Variants in WDFY4 observed in about 807,000 individuals in gnomAD.
WDFY4 encodes the protein WD repeat- and FYVE domain-containing protein 4.
Under a neutral mutation model 351.9 loss-of-function variants are expected in WDFY4, and 169 were observed. That is an observed-to-expected ratio of 0.48 (90% confidence interval 0.42 to 0.55). WDFY4 has a LOEUF of 0.55. Ranked by LOEUF, WDFY4 falls within the 20% of genes least tolerant of loss-of-function variation. The pLI is 0.00. For synonymous variants in WDFY4, 1,622 were observed against 1,574.6 expected (o/e 1.03, Z -0.71); for missense variants, 3,803 against 3,935.6 (o/e 0.97, Z 0.90).
chr10:48,897,684 A>G (rs1405476781), intron 45 of WDFY4, 110 bp downstream of exon 45: 12 of 1,465,294 alleles, frequency 8.2e-6, no homozygotes, highest in Non-Finnish European at 1.1e-5. Context: ...CTTTGTGCCT[A>G]TGCACAGCCC....
At chr10:48,722,716 G>A (rs113383896) in intron 4 of WDFY4, among the ~76,000 whole-genome samples, 41 of 152,298 alleles carry the variant, frequency 2.7e-4, no homozygotes, top group Non-Finnish European at 4.4e-4. Flanking sequence ...ACACACGTGC[G>A]TGCGCACACA....
intron 47 of WDFY4, among the ~76,000 whole-genome samples, chr10:48,912,439 C>G (rs1398578813): frequency 6.6e-6 from 1 of 152,202 alleles, no homozygotes; most frequent in African/African-American, 2.4e-5. Flanking sequence ...TGGACCTAGA[C>G]CTGTCCAACC....
chr10:48,811,311 A>G (rs953488931), intron 29 of WDFY4, among the ~76,000 whole-genome samples: 2 of 152,332 alleles, frequency 1.3e-5, no homozygotes, highest in East Asian at 3.9e-4. Context: ...TGCCTCCTAC[A>G]TGGTGGGCAG....
chr10:48,974,803 A>T lies in WDFY4; in HGVS notation c.8929-59A>T, dbSNP rs192854915. 2.3e-5 allele frequency: 34 copies of T among 1,455,610 alleles called. No individual in the cohort carries two copies. The Middle Eastern group carries it at 7.2e-4, about 31-fold the overall frequency. 90.2% of individuals were successfully genotyped at this position (1,455,610 alleles called of 1,614,324 possible). A position where few individuals can be genotyped will look rare whatever the true frequency, so the allele number is the denominator to read the frequency against. On this transcript the variant is annotated intron_variant, in intron 57 of 61. Coordinates refer to ENST00000325239, the MANE Select transcript of WDFY4 (RefSeq NM_001394531.1). Reference sequence around the variant, plus strand: ...CCCAGCTTTATAGGGAGGGTGAAGAATTCCCAAAAGTAGCTGAATTGAGGG... The same window carrying T: ...CCCAGCTTTATAGGGAGGGTGAAGATTTCCCAAAAGTAGCTGAATTGAGGG...
chr10:48,711,780 T>G (rs1219677966), intron 2 of WDFY4, among the ~76,000 whole-genome samples: 2 of 152,196 alleles, frequency 1.3e-5, no homozygotes, highest in East Asian at 3.8e-4. Context: ...TGTATTTCAT[T>G]TGGCCTGCAG....
At chr10:48,877,977 C>T (rs2070096726) in intron 43 of WDFY4, 1 of 152,286 alleles carries the variant, frequency 6.6e-6, no homozygotes, top group South Asian at 2.1e-4. Context: ...TATTAAACCG[C>T]ATGTCACCTA....
Position 48,778,489 on chromosome 10 carries a change from G to A in WDFY4, c.3176-122G>A, listed in dbSNP as rs557849051. ...TGCCATAATGGGGAGGAGACAACTG[G>A]TGATTAGGCAAGACACCCAGTAGGT... is the stretch of plus-strand genomic sequence containing the variant. On this transcript the variant is annotated intron_variant, in intron 17 of 61. Coordinates refer to ENST00000325239, the MANE Select transcript of WDFY4 (RefSeq NM_001394531.1). 7.3e-4 allele frequency: 702 copies of A among 962,922 alleles called. 2 individuals are homozygous for A. The African/African-American group carries it at 8.5e-3, about 12-fold the overall frequency. The allele number at this position is 962,922 out of a possible 1,614,324, so 59.6% of individuals were successfully genotyped here. A position where few individuals can be genotyped will look rare whatever the true frequency, so the allele number is the denominator to read the frequency against.
chr10:48,895,416 C>A (rs2133385213), intron 44 of WDFY4, among the ~76,000 whole-genome samples: 1 of 152,324 alleles, frequency 6.6e-6, no homozygotes, highest in Non-Finnish European at 1.5e-5. Flanking sequence ...GGCAGGACCA[C>A]CTTGGGGCAG....
At chr10:48,943,482 T>G (rs1467762127) in intron 49 of WDFY4, 33 bp downstream of exon 49, 1 of 1,545,634 alleles carries the variant, frequency 6.5e-7, no homozygotes, top group East Asian at 2.5e-5. Flanking sequence ...ACAGCTGCCC[T>G]CAGGTGTTCG....
intron 47 of WDFY4, among the ~76,000 whole-genome samples, chr10:48,936,173 A>C (rs1188157420): frequency 6.6e-6 from 1 of 152,146 alleles, no homozygotes; most frequent in Non-Finnish European, 1.5e-5. Context: ...CAAAAAAAGC[A>C]AAATAAAATG....
At chr10:48,697,351 C>T (rs377632501) in intron 1 of WDFY4, among the ~76,000 whole-genome samples, 7 of 152,214 alleles carry the variant, frequency 4.6e-5, no homozygotes, top group East Asian at 1.9e-4. Context: ...CTTAGCCTCC[C>T]GTGTCTTCCT....
intron 42 of WDFY4, among the ~76,000 whole-genome samples, chr10:48,875,474 G>A (rs1344964704): frequency 6.6e-6 from 1 of 152,160 alleles, no homozygotes; most frequent in South Asian, 2.1e-4. Flanking sequence ...GGGTGCAGTG[G>A]CATAATCACA....
At position 48,723,477 on chromosome 10, in the gene WDFY4, C is replaced by T; in HGVS notation, c.501C>T (p.Leu167=). The change falls in exon 5 of 62, where the codon CTC becomes CTT. Residue 167 remains leucine, a synonymous_variant. Coordinates refer to ENST00000325239, the MANE Select transcript of WDFY4 (RefSeq NM_001394531.1). The part of the protein sequence containing the change: ...RVAESGLPAL[L]LQCLYLFFVF... ...CTGAGTCTGGGCTTCCAGCCCTGCT[C>T]CTACAGTGCCTTTACCTCTTCTTTG... The T allele has an allele frequency of 6.4e-7, 1 of 1,550,990 alleles. No homozygotes were observed. Among genetic ancestry groups the T allele is most frequent in the Non-Finnish European group, 8.7e-7 (1 of 1,147,004 alleles).
intron 49 of WDFY4, among the ~76,000 whole-genome samples, chr10:48,944,836 T>C (rs1429871071): frequency 6.6e-6 from 1 of 152,208 alleles, no homozygotes; most frequent in Non-Finnish European, 1.5e-5. Context: ...AGATTTCTCC[T>C]TTAAAAAAAT....
chr10:48,789,542 A>G (rs976564577), intron 21 of WDFY4, among the ~76,000 whole-genome samples: 3 of 152,130 alleles, frequency 2.0e-5, no homozygotes, highest in African/African-American at 7.2e-5. Flanking sequence ...GGCAGCCCTC[A>G]CCTTGGTAGC....
In WDFY4 at chr10:48,865,942, G is replaced by A. The variant is rs569645474; in HGVS notation, c.6664-1323G>A. ...CAGTAGTATTGTCTCCTTCATTTCT[G>A]ATCCTAGTATAATAATTTAAGCCTT... On this transcript the variant is annotated intron_variant, in intron 39 of 61. Coordinates refer to ENST00000325239, the MANE Select transcript of WDFY4 (RefSeq NM_001394531.1). 1.5e-3 allele frequency among the ~76,000 whole-genome samples: 230 copies of A among 152,042 alleles called. 1 individual carries two copies. The highest frequency in any genetic ancestry group is 5.2e-3 in the African/African-American group (214 of 41,488).
chr10:48,974,837 C>T, intron 57 of WDFY4, 25 bp from the exon 58 acceptor site: 1 of 1,515,470 alleles, frequency 6.6e-7, no homozygotes, highest in South Asian at 1.3e-5. Flanking sequence ...GGTCCCTCTC[C>T]TAACCTGTGA....
At chr10:48,937,099 G>A (rs1840426972) in intron 47 of WDFY4, among the ~76,000 whole-genome samples, 1 of 151,886 alleles carries the variant, frequency 6.6e-6, no homozygotes, top group South Asian at 2.1e-4. Flanking sequence ...TTTCCATGTT[G>A]GCTAGGCTGG....
At chr10:48,853,917 A>G (rs1374825110) in intron 39 of WDFY4, among the ~76,000 whole-genome samples, 1 of 152,216 alleles carries the variant, frequency 6.6e-6, no homozygotes, top group Non-Finnish European at 1.5e-5. Context: ...GTAAGTGATC[A>G]ATGAATGTTT....
Sources: gnomAD v4.1 joint callset for allele counts (sites outside exome capture counted in the v4.1 genomes callset) on GRCh38, gnomAD v4.1.1 for gene constraint, MANE v1.5 for transcripts, NCBI Gene and HGNC (gene_info 2026-07-23, HGNC 2026-07-21) for gene names.